Variants in POU2AF1 observed in about 807,000 individuals in gnomAD.
POU2AF1 encodes the protein POU domain class 2-associating factor 1.
Under a neutral mutation model 26.3 loss-of-function variants are expected in POU2AF1, and 12 were observed. The ratio of observed to expected loss-of-function variants is 0.46; its 90% CI spans 0.29 to 0.74. The LOEUF is 0.74. POU2AF1 is among the 30% of genes least tolerant of loss of function. The pLI is 0.09. For missense variants in POU2AF1, 297 were observed against 334.5 expected, an observed-to-expected ratio of 0.89 and a Z score of 0.87; for synonymous variants, 175 against 148.0, an observed-to-expected ratio of 1.18 and a Z score of -1.32.
chr11:111,364,001 G>T, intron 1 of POU2AF1: 2 of 985,284 alleles, frequency 2.0e-6, no homozygotes, highest in Non-Finnish European at 1.2e-6. Flanking sequence ...TGGAAGTCAA[G>T]CCAATGGAGT....
chr11:111,358,648 T>A (rs1291997816), intron 2 of POU2AF1, 140 bp downstream of exon 2: 4 of 1,064,134 alleles, frequency 3.8e-6, no homozygotes, highest in Admixed American at 2.1e-5. Context: ...ACTATCACAC[T>A]CTCACACACT....
At chr11:111,378,112 C>T (rs1450896302) in intron 1 of POU2AF1, among the ~76,000 whole-genome samples, 2 of 152,198 alleles carry the variant, frequency 1.3e-5, no homozygotes, top group East Asian at 3.8e-4. Flanking sequence ...GACAGTGTCA[C>T]ATTTTAATCA....
At chr11:111,364,349 T>C (rs1010274010) in intron 1 of POU2AF1, 1 of 152,244 alleles carries the variant, frequency 6.6e-6, no homozygotes, top group Non-Finnish European at 1.5e-5. Flanking sequence ...TCCAGTTCCT[T>C]GATGAAAGTA....
chr11:111,369,454 A>G (rs911523227), intron 1 of POU2AF1, among the ~76,000 whole-genome samples: 29 of 152,214 alleles, frequency 1.9e-4, no homozygotes, highest in African/African-American at 6.8e-4. Flanking sequence ...CCTAAAGGCC[A>G]GGGACACAGC....
intron 1 of POU2AF1, among the ~76,000 whole-genome samples, chr11:111,371,514 A>G (rs905138330): frequency 2.0e-5 from 3 of 152,142 alleles, no homozygotes; most frequent in Admixed American, 6.5e-5. Context: ...CGCGAGTTCC[A>G]AGTTTGATCA....
At chr11:111,378,157 A>G (rs976138877) in intron 1 of POU2AF1, among the ~76,000 whole-genome samples, 18 of 152,220 alleles carry the variant, frequency 1.2e-4, no homozygotes, top group Admixed American at 1.2e-3. Flanking sequence ...AGTGGATCCA[A>G]TCAAGTATCT....
chr11:111,357,598 T>A lies in POU2AF1; in HGVS notation c.303A>T (p.Pro101=). ...PTPATLQPLA[P]WTPYTEYVPH... ...GCACATACTCGGTGTAAGGTGTCCA[T>A]GGGGCCAGGGGCTGCAGGGTGGCCG... The change falls in exon 4 of 5, where the codon CCA becomes CCT. Residue 101 remains proline, a synonymous_variant. Coordinates refer to ENST00000393067, the MANE Select transcript of POU2AF1 (RefSeq NM_006235.3). 1 of 1,613,972 alleles carries A rather than the reference T, an allele frequency of 6.2e-7. No individual in the cohort carries two copies. The highest frequency in any genetic ancestry group is 2.2e-5 in the East Asian group (1 of 44,870).
chr11:111,358,596 A>C, intron 2 of POU2AF1, among the ~76,000 whole-genome samples, 192 bp downstream of exon 2: 1 of 100,280 alleles, frequency 1.0e-5, no homozygotes, highest in Non-Finnish European at 2.6e-5. Context: ...TCACACACAC[A>C]TACACTCTCA....
Position 111,356,280 on chromosome 11 carries a change from A to T in POU2AF1, c.456+1165T>A, listed in dbSNP as rs568038168. ...GACATGGAAATGAGTTGCCTGGGAGAGGTGTTGGATTAACTCCTTCTTATC... is the reference window on the plus strand; with the variant it reads ...GACATGGAAATGAGTTGCCTGGGAGTGGTGTTGGATTAACTCCTTCTTATC... On this transcript the variant is annotated intron_variant, in intron 4 of 4. Coordinates refer to ENST00000393067, the MANE Select transcript of POU2AF1 (RefSeq NM_006235.3). Among the ~76,000 whole-genome samples, 5 of 152,224 alleles carry T rather than the reference A, an allele frequency of 3.3e-5. No homozygotes were observed. The East Asian group carries it at 9.7e-4, about 29-fold the overall frequency.
At position 111,358,828 on chromosome 11, in the gene POU2AF1, C is replaced by T. The variant is rs1209798680; in HGVS notation, c.107G>A (p.Arg36Gln). ...TGCTGCCCCACTGCTGGCGTGGCCT[C>T]GCTTCCTCCTCAGCAGTTCCTTCAC... ...EPVKELLRRK[R>Q]GHASSGAAPA... Residue 36 changes from arginine to glutamine, a missense_variant, in exon 2 of 5, where the codon CGA (arginine) becomes CAA (glutamine). Arg to Gln is a conservative substitution (Grantham distance 43). Coordinates refer to ENST00000393067, the MANE Select transcript of POU2AF1 (RefSeq NM_006235.3). 3 of 1,607,594 alleles carry T rather than the reference C, an allele frequency of 1.9e-6. No homozygotes were observed. The highest frequency in any genetic ancestry group is 2.7e-5 in the African/African-American group (2 of 74,896).
At chr11:111,360,430 C>T (rs1294865395) in intron 1 of POU2AF1, among the ~76,000 whole-genome samples, 2 of 152,174 alleles carry the variant, frequency 1.3e-5, no homozygotes, top group Non-Finnish European at 1.5e-5. Flanking sequence ...GCTCCAGCCA[C>T]GAGCAAGGCC....
intron 1 of POU2AF1, among the ~76,000 whole-genome samples, chr11:111,378,440 G>C (rs866466401): frequency 6.6e-6 from 1 of 152,158 alleles, no homozygotes; most frequent in African/African-American, 2.4e-5. Context: ...TATTATTTCA[G>C]TTATTAGTAA....
At chr11:111,375,211 T>C (rs1206930962) in intron 1 of POU2AF1, among the ~76,000 whole-genome samples, 5 of 152,164 alleles carry the variant, frequency 3.3e-5, no homozygotes, top group Non-Finnish European at 7.3e-5. Context: ...AAAAAGCAAC[T>C]GTCCAATTTG....
intron 1 of POU2AF1, among the ~76,000 whole-genome samples, chr11:111,365,910 T>A (rs141609039): frequency 1.3e-5 from 2 of 152,336 alleles, no homozygotes; most frequent in East Asian, 3.9e-4. Context: ...ATTTTGTTTG[T>A]ACTTGTGGCC....
intron 2 of POU2AF1, 54 bp downstream of exon 2, chr11:111,358,734 A>G: frequency 6.5e-7 from 1 of 1,529,850 alleles, no homozygotes; most frequent in Non-Finnish European, 8.8e-7. Context: ...TCCCTGACAC[A>G]CACATTCTCT....
intron 4 of POU2AF1, among the ~76,000 whole-genome samples, chr11:111,355,335 T>C (rs576826522): frequency 6.6e-6 from 1 of 152,330 alleles, no homozygotes; most frequent in South Asian, 2.1e-4. Context: ...CTGCGAGTCA[T>C]ACCTCTCACC....
chr11:111,358,368 T>A (rs1239712487), intron 2 of POU2AF1, among the ~76,000 whole-genome samples: 19 of 82,220 alleles, frequency 2.3e-4, no homozygotes, highest in African/African-American at 3.4e-4. Context: ...TCTCACACAC[T>A]CACACACTCT....
chr11:111,360,398 T>C (rs1860982915), intron 1 of POU2AF1, among the ~76,000 whole-genome samples: 1 of 152,298 alleles, frequency 6.6e-6, no homozygotes. Context: ...CATGCCTGAC[T>C]CGGCACCAGA....
chr11:111,357,446 G>T lies in POU2AF1; in HGVS notation c.455C>A (p.Thr152Lys). The part of the protein sequence containing the change: ...YASPPLITNV[T>K]TRSSATPAVG... ...CAGTCCTGCCTTTGTGTGACATACC[G>T]TGACATTGGTGATGAGTGGCGGAGA... Residue 152 changes from threonine (T) to lysine (K), a missense_variant and splice_region_variant, in exon 4 of 5, where the codon ACG (threonine) becomes AAG (lysine). By Grantham distance (78) the Thr-to-Lys change is moderately conservative. Transcript: ENST00000393067. 6.2e-7 allele frequency: 1 copy of T among 1,614,176 alleles called. No individual in the cohort carries two copies. Among genetic ancestry groups the T allele is most frequent in the South Asian group, 1.1e-5 (1 of 91,078 alleles).
Sources: gnomAD v4.1 joint callset for allele counts (sites outside exome capture counted in the v4.1 genomes callset) on GRCh38, gnomAD v4.1.1 for gene constraint, MANE v1.5 for transcripts, NCBI Gene and HGNC (gene_info 2026-07-23, HGNC 2026-07-21) for gene names.